Variants in RNASEL observed in about 807,000 individuals in gnomAD.
RNASEL encodes the protein 2-5A-dependent ribonuclease.
RNASEL carries 36 observed loss-of-function variants against 50.9 expected under a neutral mutation model. The ratio of observed to expected loss-of-function variants is 0.71; its 90% confidence interval spans 0.54 to 0.93. The LOEUF (loss-of-function observed/expected upper bound fraction) is 0.93. Ranked by LOEUF, RNASEL falls within the 40% of genes least tolerant of loss-of-function variation. The pLI is 0.00. For synonymous variants in RNASEL, 335 were observed against 335.6 expected, an observed-to-expected ratio of 1.00 and a Z score of 0.02; for missense variants, 860 against 894.5, an observed-to-expected ratio of 0.96 and a Z score of 0.49.
chr1:182,582,201 G>A lies in RNASEL; in HGVS notation c.1624C>T (p.Leu542=), dbSNP rs764847572. The change falls in exon 4 of 7, where the codon CTG becomes TTG. Residue 542 remains leucine (L), a synonymous_variant. Coordinates refer to ENST00000367559, the MANE Select transcript of RNASEL (RefSeq NM_021133.4). The stretch of plus-strand genomic sequence containing the variant: ...ACCTCTTCATTACTTTGAGCTTTCA[G>A]ATCCTCAAATGAGATGCTTCCCTTC... ...VKKGSISFED[L]KAQSNEEVVQ... The A allele has an allele frequency of 6.2e-7, 1 of 1,614,210 alleles. No homozygotes were observed. Among genetic ancestry groups the A allele is most frequent in the Admixed American group, 1.7e-5 (1 of 60,032 alleles).
Position 182,575,300 on chromosome 1 carries a change from C to A in RNASEL, c.*92G>T. On this transcript the variant is annotated 3_prime_UTR_variant, in exon 7 of 7. Coordinates refer to ENST00000367559, the MANE Select transcript of RNASEL (RefSeq NM_021133.4). ...AGCTATGCAACTCATCCCTCACAAGCAACCTGGTGAGTTAAAAGGCCCAGA... is the reference window on the plus strand; with the variant it reads ...AGCTATGCAACTCATCCCTCACAAGAAACCTGGTGAGTTAAAAGGCCCAGA... 5 of 1,290,514 alleles carry A rather than the reference C, an allele frequency of 3.9e-6. No individual in the cohort carries two copies. The highest frequency in any genetic ancestry group is 5.6e-6 in the Non-Finnish European group (5 of 887,286). 79.9% of individuals were successfully genotyped at this position (1,290,514 alleles called of 1,614,324 possible). A position where few individuals can be genotyped will look rare whatever the true frequency, so the allele number is the denominator to read the frequency against.
intron 5 of RNASEL, chr1:182,578,136 G>T (rs1355555918): frequency 6.6e-6 from 1 of 152,018 alleles, no homozygotes; most frequent in Admixed American, 6.6e-5. Context: ...AACAGATGGG[G>T]TTTAATTAAA....
At position 182,584,071 on chromosome 1, in the gene RNASEL, T is replaced by C. The variant is rs754019172; in HGVS notation, c.1566+10A>G. ...GAAAGAAGAAAGGTAAACTGGATTG[T>C]AGAATTTACCTCTAGATCTCTCTTG... On this transcript the variant is annotated intron_variant, in intron 3 of 6. Transcript: ENST00000367559. 1.9e-6 allele frequency: 3 copies of C among 1,602,274 alleles called. No individual in the cohort carries two copies. Among genetic ancestry groups the C allele is most frequent in the African/African-American group, 1.3e-5 (1 of 74,672 alleles).
intron 6 of RNASEL, 91 bp downstream of exon 6, chr1:182,576,165 C>A (rs1430785901): frequency 1.5e-6 from 2 of 1,353,106 alleles, no homozygotes; most frequent in African/African-American, 1.5e-5. Flanking sequence ...AATAAATTTT[C>A]TTTTTTCCAT....
intron 3 of RNASEL, 23 bp from the exon 4 acceptor site, chr1:182,582,281 G>A: frequency 1.2e-6 from 2 of 1,613,520 alleles, no homozygotes; most frequent in South Asian, 1.1e-5. Flanking sequence ...CATAAATCAA[G>A]CCAAAGATGC....
Position 182,585,367 on chromosome 1 carries a change from T to C in RNASEL, c.1440A>G (p.Gly480=), listed in dbSNP as rs1310578994. ...GTGGTTGCAGATCCTGGTGGGTGTA[T>C]CCACAGGACAAGTGTAGTTCTTGAA... ...KAVQELHLSC[G]YTHQDLQPQN... is the part of the protein sequence containing the mutation. The change falls in exon 2 of 7, where the codon GGA becomes GGG. Residue 480 remains glycine (G), a synonymous_variant. Transcript: ENST00000367559. The C allele has an allele frequency of 6.2e-7, 1 of 1,614,058 alleles. No individual in the cohort carries two copies. The highest frequency in any genetic ancestry group is 1.3e-5 in the African/African-American group (1 of 74,942).
At chr1:182,579,144 T>C (rs1422383067) in intron 5 of RNASEL, 1 of 604,586 alleles carries the variant, frequency 1.7e-6, no homozygotes, top group African/African-American at 2.0e-5. Context: ...ATTCAGGTAA[T>C]GGTTACACTA....
At position 182,585,709 on chromosome 1, in the gene RNASEL, A is replaced by G. The variant is rs780870836; in HGVS notation, c.1098T>C (p.Asp366=). The stretch of plus-strand genomic sequence containing the variant: ...AAGTATCAGCAATTTTGTATTTTTC[A>G]TCAATAAAGAACTTGAGTTTGCCAA... ...PMIGKLKFFI[D]EKYKIADTSE... The change falls in exon 2 of 7, where the codon GAT becomes GAC. Residue 366 remains aspartate, a synonymous_variant. Coordinates refer to ENST00000367559, the MANE Select transcript of RNASEL (RefSeq NM_021133.4). The G allele has an allele frequency of 1.2e-6, 2 of 1,614,006 alleles. No individual in the cohort carries two copies. The highest frequency in any genetic ancestry group is 1.1e-5 in the South Asian group (1 of 91,074).
In RNASEL at chr1:182,585,422, C is replaced by T. The variant is rs486907; in HGVS notation, c.1385G>A (p.Arg462Gln). 540,035 of 1,613,854 alleles carry T rather than the reference C, an allele frequency of 0.33. 94,567 individuals are homozygous for T. Among genetic ancestry groups the T allele is most frequent in the Non-Finnish European group, 0.36 (426,871 of 1,179,932 alleles). Residue 462 changes from arginine to glutamine, a missense_variant, in exon 2 of 7, where the codon CGA (arginine) becomes CAA (glutamine). Arg to Gln is a conservative substitution (Grantham distance 43). Coordinates refer to ENST00000367559, the MANE Select transcript of RNASEL (RefSeq NM_021133.4). ...CTTAAATATAGATGACAGGACATTT[C>T]GGGCAAATTCATCTTCCTCATTTTC... is the stretch of plus-strand genomic sequence containing the variant. The part of the protein sequence containing the change: ...DVENEEDEFA[R>Q]NVLSSIFKAV...
intron 2 of RNASEL, among the ~76,000 whole-genome samples, chr1:182,584,777 G>A (rs1436564354): frequency 6.6e-6 from 1 of 152,160 alleles, no homozygotes; most frequent in African/African-American, 2.4e-5. Flanking sequence ...GCCCTGGCTT[G>A]CTCCCCCGCA....
rs148752337 is a variant in RNASEL at position 182,581,642 on chromosome 1, C to G, written c.1773-285G>C. 3.5e-3 allele frequency among the ~76,000 whole-genome samples: 532 copies of G among 151,880 alleles called. 1 individual carries two copies. Among genetic ancestry groups the G allele is most frequent in the African/African-American group, 0.012 (500 of 41,442 alleles). On this transcript the variant is annotated intron_variant, in intron 4 of 6. Coordinates refer to ENST00000367559, the MANE Select transcript of RNASEL (RefSeq NM_021133.4). Reference sequence around the variant, plus strand: ...CATTACAGGCACCTGCCACCACACTCGGCTAACTTTTGTATTTTTAGTAGA... The same window carrying G: ...CATTACAGGCACCTGCCACCACACTGGGCTAACTTTTGTATTTTTAGTAGA...
chr1:182,579,859 G>C (rs1430857896), intron 5 of RNASEL: 9 of 583,444 alleles, frequency 1.5e-5, no homozygotes, highest in Non-Finnish European at 2.6e-5. Context: ...AAATGAGTTG[G>C]TAGACTTGAT....
intron 5 of RNASEL, 21 bp downstream of exon 5, chr1:182,581,196 AACCCCTGC>A (rs1407868398): frequency 6.2e-7 from 1 of 1,614,102 alleles, no homozygotes; most frequent in Admixed American, 1.7e-5. Flanking sequence ...TTCCTGGACT[AACCCCTGC>A]ACTATAGGAA....
intron 1 of RNASEL, 58 bp from the exon 2 acceptor site, chr1:182,587,028 G>T (rs79954773): frequency 2.1e-6 from 1 of 471,384 alleles, no homozygotes; most frequent in Non-Finnish European, 3.7e-6. Context: ...ACTTGAATCA[G>T]AGAAATTAAT....
intron 5 of RNASEL, 93 bp downstream of exon 5, chr1:182,581,132 C>G (rs1410110073): frequency 3.8e-6 from 6 of 1,589,946 alleles, no homozygotes; most frequent in Non-Finnish European, 5.2e-6. Flanking sequence ...TCTGGTTTGC[C>G]ACTGGTGTAA....
rs1661359110 is a variant in RNASEL at position 182,575,390 on chromosome 1, C to T, written c.*2G>A. 6.2e-7 allele frequency: 1 copy of T among 1,613,798 alleles called. No homozygotes were observed. Among genetic ancestry groups the T allele is most frequent in the African/African-American group, 1.3e-5 (1 of 74,904 alleles). ...TTCCCTGAACTCCAGCAAATCAGTC[C>T]ATCAGCACCCAGGGCTGGCCAACCC... is the stretch of plus-strand genomic sequence containing the variant. On this transcript the variant is annotated 3_prime_UTR_variant, in exon 7 of 7. Coordinates refer to ENST00000367559, the MANE Select transcript of RNASEL (RefSeq NM_021133.4).
At chr1:182,575,700 T>A (rs1257236197) in intron 6 of RNASEL, 122 bp from the exon 7 acceptor site, 1 of 1,307,898 alleles carries the variant, frequency 7.6e-7, no homozygotes, top group African/African-American at 1.5e-5. Flanking sequence ...ATAAGGACTT[T>A]GGAATCTGAC....
chr1:182,574,851 A>G lies in RNASEL; in HGVS notation c.*541T>C, dbSNP rs1661350706. On this transcript the variant is annotated 3_prime_UTR_variant, in exon 7 of 7. Coordinates refer to ENST00000367559, the MANE Select transcript of RNASEL (RefSeq NM_021133.4). ...TGCTCAATAAATACTGAATGAATGA[A>G]TGAGATTCCTGGAACCCCTATATAT... is the stretch of plus-strand genomic sequence containing the variant. 2 of 236,682 alleles carry G rather than the reference A, an allele frequency of 8.5e-6. No individual in the cohort carries two copies. Among genetic ancestry groups the G allele is most frequent in the African/African-American group, 2.2e-5 (1 of 45,018 alleles). The allele number at this position is 236,682 out of a possible 1,614,324, so 14.7% of individuals were successfully genotyped here.
At chr1:182,579,151 A>C (rs1661444530) in intron 5 of RNASEL, 1 of 733,448 alleles carries the variant, frequency 1.4e-6, no homozygotes, top group South Asian at 6.2e-5. Context: ...TAATGGTTAC[A>C]CTAAAAGCCC....
Sources: allele counts gnomAD v4.1 joint callset (sites outside exome capture counted in the v4.1 genomes callset), GRCh38; gene constraint gnomAD v4.1.1; transcripts MANE v1.5; gene names NCBI Gene and HGNC (gene_info 2026-07-23, HGNC 2026-07-21).